The following NELL1 variants were observed in gnomAD, a reference collection of about 807,000 sequenced individuals.
NELL1 encodes the protein neural EGFL like 1.
NELL1 carries 76 observed loss-of-function variants against 107.4 expected under a neutral mutation model. That is an observed-to-expected ratio of 0.71 (90% CI 0.59 to 0.86). The LOEUF is 0.86. Among genes scored for constraint, NELL1 ranks in the 40% least tolerant of loss-of-function variants. The probability of loss-of-function intolerance (pLI) is 0.00; values close to 1 mark genes in which losing one functional copy is unlikely to be tolerated. For synonymous variants in NELL1, 353 were observed against 341.2 expected, an observed-to-expected ratio of 1.03 and a Z score of -0.38; for missense variants, 1,024 against 1,005.5, an observed-to-expected ratio of 1.02 and a Z score of -0.25.
At chr11:21,268,212 G>A (rs536897858) in intron 14 of NELL1, among the ~76,000 whole-genome samples, 6 of 152,086 alleles carry the variant, frequency 3.9e-5, no homozygotes, top group African/African-American at 1.4e-4. Flanking sequence ...ATAGACTAAT[G>A]TGAGTGTTTA....
chr11:21,547,998 C>T (rs182994643), intron 16 of NELL1, among the ~76,000 whole-genome samples: 6 of 151,724 alleles, frequency 4.0e-5, no homozygotes, highest in East Asian at 2.0e-4. Flanking sequence ...ACAATCATGG[C>T]GCAACTGAAA....
At chr11:21,015,572 C>A (rs1468128086) in intron 12 of NELL1, among the ~76,000 whole-genome samples, 1 of 151,956 alleles carries the variant, frequency 6.6e-6, no homozygotes, top group Non-Finnish European at 1.5e-5. Context: ...GCTTTGTTTC[C>A]CCCTGTGGCT....
At chr11:21,030,357 G>C (rs570786016) in intron 12 of NELL1, among the ~76,000 whole-genome samples, 1 of 152,138 alleles carries the variant, frequency 6.6e-6, no homozygotes, top group South Asian at 2.1e-4. Context: ...CCTTTTAGTC[G>C]TACAGACAGC....
At chr11:20,742,494 T>C (rs1455535165) in intron 2 of NELL1, among the ~76,000 whole-genome samples, 3 of 152,126 alleles carry the variant, frequency 2.0e-5, no homozygotes, top group Non-Finnish European at 4.4e-5. Context: ...AACACATATC[T>C]GAGACTGGGT....
intron 12 of NELL1, among the ~76,000 whole-genome samples, chr11:21,049,479 G>T (rs1853438560): frequency 6.6e-6 from 1 of 152,032 alleles, no homozygotes. Flanking sequence ...AACTTTAGTT[G>T]ATTTGGCTTC....
intron 2 of NELL1, among the ~76,000 whole-genome samples, chr11:20,679,728 G>A (rs887394898): frequency 6.6e-6 from 1 of 152,048 alleles, no homozygotes; most frequent in African/African-American, 2.4e-5. Flanking sequence ...AGTTGCTATG[G>A]AAACCTGGCT....
chr11:21,270,650 G>C (rs1848720795), intron 14 of NELL1, among the ~76,000 whole-genome samples: 1 of 152,066 alleles, frequency 6.6e-6, no homozygotes, highest in African/African-American at 2.4e-5. Context: ...TAAGGACATA[G>C]CAATAATACC....
intron 13 of NELL1, among the ~76,000 whole-genome samples, chr11:21,174,680 T>TAAA (rs1856676532): frequency 6.6e-6 from 1 of 151,758 alleles, no homozygotes; most frequent in Non-Finnish European, 1.5e-5. Context: ...GGTTTGAGAC[T>TAAA]GCTTTAGACC....
intron 3 of NELL1, among the ~76,000 whole-genome samples, chr11:20,845,949 C>T (rs1335976186): frequency 6.6e-6 from 1 of 152,138 alleles, no homozygotes; most frequent in African/African-American, 2.4e-5. Flanking sequence ...TAGTCTGTAA[C>T]ATCTTCTTGA....
intron 4 of NELL1, among the ~76,000 whole-genome samples, chr11:20,882,161 G>T (rs4922666): frequency 0.8 from 121,830 of 152,120 alleles, 49,218 homozygotes; most frequent in East Asian, 0.94. Context: ...TGGCTGGCAT[G>T]TATAGCTCCC....
intron 15 of NELL1, among the ~76,000 whole-genome samples, chr11:21,445,357 G>A (rs984196286): frequency 2.2e-5 from 3 of 134,474 alleles, no homozygotes; most frequent in Admixed American, 7.5e-5. Context: ...ATGGAATTTC[G>A]CTCTTGCTGC....
intron 5 of NELL1, among the ~76,000 whole-genome samples, chr11:20,904,747 G>A (rs1001531440): frequency 6.6e-6 from 1 of 152,032 alleles, no homozygotes; most frequent in Non-Finnish European, 1.5e-5. Context: ...GGTTGGAGGA[G>A]TCTCTCTCTC....
chr11:21,400,317 T>C (rs1273757451), intron 15 of NELL1, among the ~76,000 whole-genome samples: 1 of 151,886 alleles, frequency 6.6e-6, no homozygotes, highest in Admixed American at 6.6e-5. Context: ...CACAGAAGCA[T>C]CCAATTTTAT....
intron 2 of NELL1, among the ~76,000 whole-genome samples, chr11:20,681,548 T>C (rs1262554161): frequency 6.6e-6 from 1 of 152,126 alleles, no homozygotes; most frequent in Non-Finnish European, 1.5e-5. Flanking sequence ...TTTTCCAGCC[T>C]ATTATCCAAT....
At chr11:21,464,637 AG>A (rs1373420256) in intron 15 of NELL1, among the ~76,000 whole-genome samples, 8 of 152,130 alleles carry the variant, frequency 5.3e-5, no homozygotes, top group Admixed American at 6.6e-5. Flanking sequence ...ACTTTATAAA[AG>A]ATTATTAAAT....
chr11:20,682,175 T>A (rs780835311), intron 2 of NELL1, among the ~76,000 whole-genome samples: 5 of 152,210 alleles, frequency 3.3e-5, no homozygotes, highest in Non-Finnish European at 5.9e-5. Flanking sequence ...TGATGTTTCC[T>A]GAGTACTACA....
chr11:20,976,345 G>A (rs1022263051), intron 12 of NELL1, among the ~76,000 whole-genome samples: 1 of 151,962 alleles, frequency 6.6e-6, no homozygotes, highest in Non-Finnish European at 1.5e-5. Flanking sequence ...AACACAATCA[G>A]AATGTAACTG....
intron 15 of NELL1, among the ~76,000 whole-genome samples, chr11:21,485,814 C>T (rs1306422664): frequency 6.6e-5 from 10 of 152,046 alleles, no homozygotes; most frequent in Admixed American, 5.9e-4. Flanking sequence ...GGTCCCACCC[C>T]CACAATACTT....
intron 14 of NELL1, among the ~76,000 whole-genome samples, chr11:21,257,674 A>G (rs781318356): frequency 6.6e-6 from 1 of 152,000 alleles, no homozygotes; most frequent in Non-Finnish European, 1.5e-5. Flanking sequence ...TGGACTGGAC[A>G]TTCTTGACAA....
Sources: gnomAD v4.1 joint callset for allele counts (sites outside exome capture counted in the v4.1 genomes callset) on GRCh38, gnomAD v4.1.1 for gene constraint, MANE v1.5 for transcripts, NCBI Gene and HGNC (gene_info 2026-07-23, HGNC 2026-07-21) for gene names.